BLTP3A: variants seen among roughly 807,000 people sequenced by gnomAD.
BLTP3A encodes the protein bridge-like lipid transfer protein family member 3A, also known as ICBP90 binding protein 1.
At chr6:34,840,020 G>A in the BLTP3A span, among the ~76,000 whole-genome samples, 57 of 152,322 alleles carry the variant, frequency 3.7e-4, 1 homozygote, top group African/African-American at 1.3e-3. Context: ...AGTGGTACAG[G>A]GCCAAGGGAT....
the BLTP3A span, chr6:34,867,737 CA>C: frequency 7.6e-7 from 1 of 1,313,712 alleles, no homozygotes; most frequent in South Asian, 1.6e-5. Context: ...TTCTCTCCAG[CA>C]GCCATTAGGG....
chr6:34,825,634 C>G, the BLTP3A span, among the ~76,000 whole-genome samples: 1 of 152,204 alleles, frequency 6.6e-6, no homozygotes, highest in East Asian at 1.9e-4. Context: ...AGGCATTAAT[C>G]CCATTAATGA....
At chr6:34,832,035 G>A in the BLTP3A span, among the ~76,000 whole-genome samples, 6 of 151,690 alleles carry the variant, frequency 4.0e-5, no homozygotes, top group Non-Finnish European at 2.9e-5. Context: ...GGATGGTCTC[G>A]ATCTCTTGAC....
chr6:34,832,451 T>C, the BLTP3A span, among the ~76,000 whole-genome samples: 2 of 151,780 alleles, frequency 1.3e-5, no homozygotes, highest in Admixed American at 1.3e-4. Context: ...CTTTTTTTTT[T>C]CTGAGACAGG....
At chr6:34,809,491 A>G in the BLTP3A span, among the ~76,000 whole-genome samples, 1 of 152,314 alleles carries the variant, frequency 6.6e-6, no homozygotes, top group Non-Finnish European at 1.5e-5. Flanking sequence ...ATTTAGGGGT[A>G]CCAGTCCCCA....
At chr6:34,876,317 C>G in the BLTP3A span, 127 of 152,264 alleles carry the variant, frequency 8.3e-4, 2 homozygotes, top group African/African-American at 2.9e-3. Flanking sequence ...GACTGGCTCC[C>G]GTGTGTGGAA....
chr6:34,798,402 G>A, the BLTP3A span, among the ~76,000 whole-genome samples: 2 of 152,142 alleles, frequency 1.3e-5, no homozygotes, highest in Non-Finnish European at 2.9e-5. Context: ...GGGAATATAT[G>A]TAGGGTAGAA....
At chr6:34,802,800 TTTATA>T in the BLTP3A span, among the ~76,000 whole-genome samples, 1 of 152,208 alleles carries the variant, frequency 6.6e-6, no homozygotes, top group Admixed American at 6.5e-5. Flanking sequence ...TTATTTTCCT[TTTATA>T]TTATACTTTG....
At chr6:34,796,595 C>T in the BLTP3A span, among the ~76,000 whole-genome samples, 2 of 152,176 alleles carry the variant, frequency 1.3e-5, no homozygotes, top group Non-Finnish European at 2.9e-5. Context: ...TCTTGTTTTA[C>T]GTGACCTAAG....
the BLTP3A span, chr6:34,867,284 G>A: frequency 1.2e-6 from 2 of 1,614,128 alleles, no homozygotes; most frequent in South Asian, 1.1e-5. Context: ...TAATGCTGGT[G>A]TTCAAGGGAG....
At chr6:34,865,061 T>C in the BLTP3A span, among the ~76,000 whole-genome samples, 2 of 152,214 alleles carry the variant, frequency 1.3e-5, no homozygotes, top group East Asian at 3.8e-4. Flanking sequence ...TCCTATGATA[T>C]ATACACACAC....
At chr6:34,859,198 CCA>C in the BLTP3A span, 1 of 1,614,120 alleles carries the variant, frequency 6.2e-7, no homozygotes, top group African/African-American at 1.3e-5. Flanking sequence ...CCAGGAGAGG[CCA>C]CATAGCAATG....
At chr6:34,852,453 C>A in the BLTP3A span, among the ~76,000 whole-genome samples, 4 of 152,062 alleles carry the variant, frequency 2.6e-5, no homozygotes, top group African/African-American at 9.7e-5. Flanking sequence ...ACAATGGGGG[C>A]CTCAAGACTC....
At chr6:34,862,912 C>CT in the BLTP3A span, among the ~76,000 whole-genome samples, 199 of 139,488 alleles carry the variant, frequency 1.4e-3, no homozygotes, top group East Asian at 1.4e-3. Flanking sequence ...TGATAATTTG[C>CT]TTTTTTTTTT....
At chr6:34,830,862 A>G in the BLTP3A span, among the ~76,000 whole-genome samples, 1 of 152,128 alleles carries the variant, frequency 6.6e-6, no homozygotes, top group Non-Finnish European at 1.5e-5. Context: ...GGTATTGTCT[A>G]TCTTTTCATT....
chr6:34,796,822 A>G, the BLTP3A span, among the ~76,000 whole-genome samples: 1 of 152,156 alleles, frequency 6.6e-6, no homozygotes, highest in Non-Finnish European at 1.5e-5. Context: ...TTCCTGCCTC[A>G]TCCTCCCGAG....
chr6:34,821,419 T>TCTCG, the BLTP3A span: 7 of 466,186 alleles, frequency 1.5e-5, no homozygotes, highest in African/African-American at 1.9e-5. Flanking sequence ...GGTGTAGAGA[T>TCTCG]GGTGTGGTCT....
At chr6:34,835,329 G>T in the BLTP3A span, 2 of 1,614,174 alleles carry the variant, frequency 1.2e-6, no homozygotes, top group Non-Finnish European at 1.7e-6. Context: ...CCAAGCTGAT[G>T]TTCCTGTTGG....
At chr6:34,869,505 A>C in the BLTP3A span, among the ~76,000 whole-genome samples, 1 of 152,178 alleles carries the variant, frequency 6.6e-6, no homozygotes, top group East Asian at 1.9e-4. Flanking sequence ...TTCTAAATGG[A>C]ATAATAGATT....
Sources: allele counts gnomAD v4.1 joint callset (sites outside exome capture counted in the v4.1 genomes callset), GRCh38; gene constraint gnomAD v4.1.1; transcripts MANE v1.5; gene names NCBI Gene and HGNC (gene_info 2026-07-23, HGNC 2026-07-21).